The following NXPH1 variants were observed in gnomAD, a reference collection of about 807,000 sequenced individuals.
NXPH1 encodes the protein neurexophilin 1.
A neutral mutation model predicts 23.7 loss-of-function variants in NXPH1; 5 were observed. The ratio of observed to expected loss-of-function variants is 0.21; its 90% CI spans 0.11 to 0.44. The LOEUF (loss-of-function observed/expected upper bound fraction) is 0.44, where lower values mean the gene tolerates loss of function less well. Among genes scored for constraint, NXPH1 ranks in the 20% least tolerant of loss-of-function variants. The pLI is 0.99. For synonymous variants in NXPH1, 144 were observed against 122.2 expected (o/e 1.18, Z -1.18); for missense variants, 324 against 321.6 (o/e 1.01, Z -0.06).
chr7:8,718,399 A>G (rs1779912015), intron 2 of NXPH1, among the ~76,000 whole-genome samples: 1 of 152,198 alleles, frequency 6.6e-6, no homozygotes, highest in Non-Finnish European at 1.5e-5. Flanking sequence ...GTTTCATTTC[A>G]GAGCTAACAT....
At chr7:8,693,914 T>C (rs11489426) in intron 2 of NXPH1, among the ~76,000 whole-genome samples, 60,448 of 152,058 alleles carry the variant, frequency 0.4, 12,378 homozygotes, top group East Asian at 0.48. Context: ...GACAACAAAT[T>C]ATGTCATCAC....
At chr7:8,616,633 GC>G (rs530181732) in intron 2 of NXPH1, among the ~76,000 whole-genome samples, 139 of 152,100 alleles carry the variant, frequency 9.1e-4, no homozygotes, top group African/African-American at 3.1e-3. Flanking sequence ...ATATGTAAGG[GC>G]CCCAAGGCAG....
chr7:8,549,581 T>C (rs1481204743), intron 2 of NXPH1, among the ~76,000 whole-genome samples: 3 of 151,668 alleles, frequency 2.0e-5, no homozygotes, highest in African/African-American at 7.2e-5. Flanking sequence ...GAGAATTACT[T>C]ATAAACAGAC....
chr7:8,613,082 A>G (rs2128629908), intron 2 of NXPH1, among the ~76,000 whole-genome samples: 2 of 152,130 alleles, frequency 1.3e-5, no homozygotes, highest in South Asian at 4.1e-4. Context: ...ATGTGTATCC[A>G]CATTTACATA....
chr7:8,448,342 G>T (rs1301407014), intron 2 of NXPH1, among the ~76,000 whole-genome samples: 1 of 152,236 alleles, frequency 6.6e-6, no homozygotes, highest in African/African-American at 2.4e-5. Context: ...TCCGGACCAG[G>T]TTCCCATGTG....
intron 2 of NXPH1, among the ~76,000 whole-genome samples, chr7:8,663,301 CT>C (rs1820708858): frequency 6.6e-6 from 1 of 152,044 alleles, no homozygotes; most frequent in Non-Finnish European, 1.5e-5. Flanking sequence ...CACAATTTTC[CT>C]TTTTAAATCC....
rs778996609 is a variant in NXPH1 at position 8,752,036 on chromosome 7, G to T, written c.*267G>T. 2.8e-5 allele frequency: 10 copies of T among 360,204 alleles called. No individual in the cohort carries two copies. The highest frequency in any genetic ancestry group is 5.1e-5 in the Non-Finnish European group (10 of 196,064). The allele number at this position is 360,204 out of a possible 1,614,324, so 22.3% of individuals were successfully genotyped here. ...ACATATAGAGGTACACAAACACACC[G>T]TCATGCACATTTCAGCTTGCGTCTA... On this transcript the variant is annotated 3_prime_UTR_variant, in exon 3 of 3. Coordinates refer to ENST00000405863, the MANE Select transcript of NXPH1 (RefSeq NM_152745.3).
At chr7:8,497,976 T>A (rs959717986) in intron 2 of NXPH1, among the ~76,000 whole-genome samples, 2 of 152,138 alleles carry the variant, frequency 1.3e-5, no homozygotes, top group Admixed American at 6.6e-5. Context: ...GGTTTTCTTC[T>A]AGGGAATAAC....
At chr7:8,453,070 G>C (rs1364926038) in intron 2 of NXPH1, among the ~76,000 whole-genome samples, 1 of 152,064 alleles carries the variant, frequency 6.6e-6, no homozygotes, top group Non-Finnish European at 1.5e-5. Context: ...CTCCAGTTTG[G>C]AAACTAAAAT....
At chr7:8,560,321 A>G (rs1818422074) in intron 2 of NXPH1, among the ~76,000 whole-genome samples, 1 of 151,732 alleles carries the variant, frequency 6.6e-6, no homozygotes, top group African/African-American at 2.4e-5. Context: ...AAGACTGTTG[A>G]CATTTGAAAA....
At chr7:8,630,730 T>G (rs986216196) in intron 2 of NXPH1, among the ~76,000 whole-genome samples, 1 of 152,186 alleles carries the variant, frequency 6.6e-6, no homozygotes, top group Non-Finnish European at 1.5e-5. Flanking sequence ...TAATTTGACT[T>G]CACTTTATTG....
At chr7:8,724,009 A>G (rs1780008776) in intron 2 of NXPH1, among the ~76,000 whole-genome samples, 2 of 152,344 alleles carry the variant, frequency 1.3e-5, no homozygotes, top group South Asian at 4.1e-4. Flanking sequence ...AATCAAATAA[A>G]TAAATAGGTA....
chr7:8,472,598 G>A (rs568240666), intron 2 of NXPH1, among the ~76,000 whole-genome samples: 24 of 152,194 alleles, frequency 1.6e-4, no homozygotes, highest in African/African-American at 5.3e-4. Context: ...GGAAGGAAGG[G>A]CCCAATTTCC....
In NXPH1 at chr7:8,751,883, C is replaced by T. The variant is rs1011748147; in HGVS notation, c.*114C>T. On this transcript the variant is annotated 3_prime_UTR_variant, in exon 3 of 3. Transcript: ENST00000405863. The surrounding 1 kb of genome is among the most constrained non-coding windows in gnomAD (Gnocchi z 4.5). ...CCTGGAATGTGTCTACACTGCTGCT[C>T]TTGTCAACTGGCTGCAAAATACACT... The T allele has an allele frequency of 3.0e-6, 3 of 1,014,812 alleles. No homozygotes were observed. Among genetic ancestry groups the T allele is most frequent in the African/African-American group, 3.2e-5 (2 of 61,564 alleles). 62.9% of individuals were successfully genotyped at this position (1,014,812 alleles called of 1,614,324 possible).
intron 2 of NXPH1, among the ~76,000 whole-genome samples, chr7:8,742,068 A>G (rs1780376618): frequency 2.6e-5 from 4 of 152,168 alleles, no homozygotes; most frequent in African/African-American, 9.6e-5. Flanking sequence ...GGCACCACGT[A>G]ATCTACCTTG....
intron 2 of NXPH1, among the ~76,000 whole-genome samples, chr7:8,730,367 A>C (rs912357346): frequency 7.4e-5 from 11 of 149,426 alleles, no homozygotes; most frequent in African/African-American, 2.5e-4. Context: ...TTATGTGTGA[A>C]TTTGATCCTG....
intron 2 of NXPH1, among the ~76,000 whole-genome samples, chr7:8,535,085 T>C (rs187933077): frequency 6.6e-6 from 1 of 152,098 alleles, no homozygotes; most frequent in African/African-American, 2.4e-5. Context: ...GGTGATTGAC[T>C]ACTATCTTTC....
chr7:8,616,358 G>A (rs1371697288), intron 2 of NXPH1, among the ~76,000 whole-genome samples: 2 of 151,996 alleles, frequency 1.3e-5, no homozygotes, highest in Non-Finnish European at 2.9e-5. Flanking sequence ...TAGCAACTCT[G>A]TCTCTATCAG....
At chr7:8,739,003 C>T (rs1234687878) in intron 2 of NXPH1, among the ~76,000 whole-genome samples, 1 of 151,918 alleles carries the variant, frequency 6.6e-6, no homozygotes, top group Non-Finnish European at 1.5e-5. Flanking sequence ...CCCAGGTCGA[C>T]TTCAGACTGC....
Sources: gnomAD v4.1 joint callset for allele counts (sites outside exome capture counted in the v4.1 genomes callset) on GRCh38, gnomAD v4.1.1 for gene constraint, Gnocchi (gnomAD v3.1) non-coding constraint, MANE v1.5 for transcripts, NCBI Gene and HGNC (gene_info 2026-07-23, HGNC 2026-07-21) for gene names.